The following ANO10 variants were observed in gnomAD, a reference collection of about 807,000 sequenced individuals.
ANO10 encodes the protein anoctamin-10.
A neutral mutation model predicts 74.7 loss-of-function variants in ANO10; 77 were observed. That is an observed-to-expected ratio of 1.03 (90% CI 0.86 to 1.25). The LOEUF (loss-of-function observed/expected upper bound fraction) is 1.25, where lower values mean the gene tolerates loss of function less well. Among genes scored for constraint, ANO10 ranks in the 50% most tolerant of loss-of-function variants. The pLI, the probability that ANO10 is intolerant of heterozygous loss-of-function variation, is 0.00. For synonymous variants in ANO10, 279 were observed against 284.9 expected (o/e 0.98, Z 0.21); for missense variants, 721 against 778.1 (o/e 0.93, Z 0.87).
At chr3:43,552,464 A>G (rs1006935266) in intron 10 of ANO10, among the ~76,000 whole-genome samples, 1 of 152,064 alleles carries the variant, frequency 6.6e-6, no homozygotes, top group Non-Finnish European at 1.5e-5. Context: ...ACCATCAAAC[A>G]TAACATAGAA....
At chr3:43,471,062 T>C (rs1276825519) in intron 11 of ANO10, among the ~76,000 whole-genome samples, 1 of 152,222 alleles carries the variant, frequency 6.6e-6, no homozygotes, top group East Asian at 1.9e-4. Flanking sequence ...AGATATAGTC[T>C]GGTTGTAGAA....
At chr3:43,434,687 T>G (rs1445060840) in intron 11 of ANO10, among the ~76,000 whole-genome samples, 1 of 152,158 alleles carries the variant, frequency 6.6e-6, no homozygotes, top group Non-Finnish European at 1.5e-5. Flanking sequence ...ATGCTTCCCT[T>G]GGATGTAAGG....
In ANO10 at chr3:43,577,448, A is replaced by G. The variant is rs940552661; in HGVS notation, c.593-187T>C. Among the ~76,000 whole-genome samples, 3 of 152,162 alleles carry G rather than the reference A, an allele frequency of 2.0e-5. No homozygotes were observed. In the South Asian group the frequency reaches 6.2e-4, roughly 31 times the overall value. On this transcript the variant is annotated intron_variant, in intron 5 of 12. Coordinates refer to ENST00000292246, the MANE Select transcript of ANO10 (RefSeq NM_018075.5). ...CCTGCTTGTCTGCATGGCAGGTCCA[A>G]CATTTCCCCCAGGTTAGGGGCCAGG...
chr3:43,590,268 C>A (rs1357556882), intron 4 of ANO10, among the ~76,000 whole-genome samples: 1 of 152,120 alleles, frequency 6.6e-6, no homozygotes. Context: ...AATACTACAT[C>A]TTACTTACAA....
chr3:43,508,615 T>C (rs1023968068), intron 11 of ANO10, among the ~76,000 whole-genome samples: 3 of 152,112 alleles, frequency 2.0e-5, no homozygotes, highest in Non-Finnish European at 4.4e-5. Context: ...TATGCAGCCA[T>C]AAAAAATGAT....
At chr3:43,686,044 G>T (rs2084270579) in intron 1 of ANO10, among the ~76,000 whole-genome samples, 1 of 152,112 alleles carries the variant, frequency 6.6e-6, no homozygotes, top group African/African-American at 2.4e-5. Context: ...CAGTTAATCA[G>T]AATCTCTTGT....
intron 12 of ANO10, among the ~76,000 whole-genome samples, chr3:43,402,628 G>A (rs1021310645): frequency 3.3e-5 from 5 of 152,020 alleles, no homozygotes; most frequent in African/African-American, 1.2e-4. Flanking sequence ...CTTTTCCCAG[G>A]TCATCCCTTC....
intron 11 of ANO10, among the ~76,000 whole-genome samples, chr3:43,490,132 C>T (rs980198173): frequency 1.3e-5 from 2 of 152,176 alleles, no homozygotes; most frequent in Non-Finnish European, 2.9e-5. Context: ...AGAAGGCTTA[C>T]GTAAAGTCAC....
At chr3:43,470,195 C>T (rs1207282709) in intron 11 of ANO10, among the ~76,000 whole-genome samples, 1 of 152,120 alleles carries the variant, frequency 6.6e-6, no homozygotes, top group Non-Finnish European at 1.5e-5. Flanking sequence ...ATAGAGAAAT[C>T]TTAAATGGAT....
chr3:43,662,936 G>C (rs1004469759), intron 1 of ANO10, among the ~76,000 whole-genome samples: 1 of 152,178 alleles, frequency 6.6e-6, no homozygotes, highest in Admixed American at 6.5e-5. Context: ...AGACCAGACA[G>C]ATTCACAGCT....
chr3:43,381,780 C>T (rs560009942), intron 12 of ANO10, among the ~76,000 whole-genome samples: 3 of 152,224 alleles, frequency 2.0e-5, no homozygotes, highest in South Asian at 2.1e-4. Context: ...TACTCATAAG[C>T]ACATGGAACA....
At position 43,577,195 on chromosome 3, in the gene ANO10, A is replaced by G; in HGVS notation, c.659T>C (p.Phe220Ser). The change falls in exon 6 of 13, where the codon TTT becomes TCT. Residue 220 changes from phenylalanine (F) to serine (S), a missense_variant. Physicochemically the swap from Phe to Ser is radical, Grantham distance 155. Transcript: ENST00000292246. ...LYFGFLEYFT[F>S]ALIPMAVIGL... ...AATGACAGCCATGGGGATTAATGCAAAAGTGAAATACTCCAAAAATCCAAA... is the reference window on the plus strand; with the variant it reads ...AATGACAGCCATGGGGATTAATGCAGAAGTGAAATACTCCAAAAATCCAAA... 1 of 1,614,198 alleles carries G rather than the reference A, an allele frequency of 6.2e-7. No individual in the cohort carries two copies. Among genetic ancestry groups the G allele is most frequent in the Non-Finnish European group, 8.5e-7 (1 of 1,180,018 alleles).
intron 11 of ANO10, among the ~76,000 whole-genome samples, chr3:43,451,364 C>T (rs1349278913): frequency 2.0e-5 from 3 of 152,196 alleles, no homozygotes; most frequent in Non-Finnish European, 4.4e-5. Flanking sequence ...CCTGGCCATT[C>T]CAGCTTCAGA....
At chr3:43,486,450 T>C in intron 11 of ANO10, among the ~76,000 whole-genome samples, 3 of 149,658 alleles carry the variant, frequency 2.0e-5, no homozygotes, top group African/African-American at 7.4e-5. Flanking sequence ...CATGGAATGT[T>C]CTTCCATTTG....
At chr3:43,654,347 T>C (rs2083822880) in intron 1 of ANO10, among the ~76,000 whole-genome samples, 1 of 152,166 alleles carries the variant, frequency 6.6e-6, no homozygotes, top group African/African-American at 2.4e-5. Flanking sequence ...CTAGATAACA[T>C]CTCAGACAGA....
At chr3:43,584,313 A>G (rs2081381063) in intron 4 of ANO10, among the ~76,000 whole-genome samples, 1 of 152,210 alleles carries the variant, frequency 6.6e-6, no homozygotes, top group South Asian at 2.1e-4. Context: ...TGACTCAGCA[A>G]GTTTAGAGCA....
intron 12 of ANO10, among the ~76,000 whole-genome samples, chr3:43,406,541 C>T (rs1417021125): frequency 6.8e-6 from 1 of 146,480 alleles, no homozygotes; most frequent in Non-Finnish European, 1.5e-5. Context: ...GGAGAACTGC[C>T]TTCTGTACGC....
At chr3:43,452,226 T>C (rs2148998762) in intron 11 of ANO10, among the ~76,000 whole-genome samples, 1 of 152,324 alleles carries the variant, frequency 6.6e-6, no homozygotes, top group African/African-American at 2.4e-5. Flanking sequence ...AATGAAAGTA[T>C]ATAATTCAAT....
At chr3:43,606,647 T>TAA (rs562111619) in intron 1 of ANO10, among the ~76,000 whole-genome samples, 2 of 141,694 alleles carry the variant, frequency 1.4e-5, no homozygotes, top group Non-Finnish European at 1.5e-5. Context: ...ATATAACTAC[T>TAA]AAAAAAAAAA....
Sources: allele counts gnomAD v4.1 joint callset (sites outside exome capture counted in the v4.1 genomes callset), GRCh38; gene constraint gnomAD v4.1.1; transcripts MANE v1.5; gene names NCBI Gene and HGNC (gene_info 2026-07-23, HGNC 2026-07-21).